COL23A1: variants seen among roughly 807,000 people sequenced by gnomAD.
The protein encoded by COL23A1 is collagen type XXIII alpha 1 chain.
In COL23A1, 97 loss-of-function variants were observed where a neutral mutation model predicts 99.3. That is an observed-to-expected ratio of 0.98 (90% CI 0.83 to 1.16). COL23A1 has a LOEUF of 1.16. Ranked by LOEUF, COL23A1 falls within the 50% of genes most tolerant of loss-of-function variation. The probability of loss-of-function intolerance (pLI) is 0.00; values close to 1 mark genes in which losing one functional copy is unlikely to be tolerated. For missense variants in COL23A1, 762 were observed against 757.4 expected (o/e 1.01, Z -0.07); for synonymous variants, 320 against 308.2 (o/e 1.04, Z -0.40).
At chr5:178,588,367 CT>C (rs1300701742) in intron 1 of COL23A1, among the ~76,000 whole-genome samples, 2 of 152,196 alleles carry the variant, frequency 1.3e-5, no homozygotes, top group African/African-American at 4.8e-5. Flanking sequence ...TGTATCAGGA[CT>C]TCTGATTTAC....
At chr5:178,481,428 T>C (rs1048314876) in intron 2 of COL23A1, among the ~76,000 whole-genome samples, 2 of 151,534 alleles carry the variant, frequency 1.3e-5, no homozygotes, top group Non-Finnish European at 2.9e-5. Flanking sequence ...ACTGAGAGAG[T>C]ATAAAGACAA....
At chr5:178,481,675 C>A (rs886776373) in intron 2 of COL23A1, among the ~76,000 whole-genome samples, 1 of 152,046 alleles carries the variant, frequency 6.6e-6, no homozygotes, top group Admixed American at 6.6e-5. Flanking sequence ...CACAAGATAC[C>A]ACTTCATACC....
At position 178,254,955 on chromosome 5, in the gene COL23A1, G is replaced by T; in HGVS notation, c.954C>A (p.Ala318=). ...VIDYDGRILD[A]LKGPPGPQGP... The stretch of plus-strand genomic sequence containing the variant: ...GTCCCACCAGGAACACTACCTTGAG[G>T]GCATCCAAGATCCTGCCATCATAGT... Residue 318 remains alanine (A), a synonymous_variant, in exon 16 of 29, where the codon GCC becomes GCA. Coordinates refer to ENST00000390654, the MANE Select transcript of COL23A1 (RefSeq NM_173465.4). 1 of 1,613,334 alleles carries T rather than the reference G, an allele frequency of 6.2e-7. No homozygotes were observed. Among genetic ancestry groups the T allele is most frequent in the South Asian group, 1.1e-5 (1 of 91,070 alleles).
intron 28 of COL23A1, 49 bp from the exon 29 acceptor site, chr5:178,238,749 C>G: frequency 6.2e-7 from 1 of 1,611,938 alleles, no homozygotes; most frequent in South Asian, 1.1e-5. Context: ...CGAGAAGCTC[C>G]GCCCCCATCC....
intron 2 of COL23A1, among the ~76,000 whole-genome samples, chr5:178,507,022 G>A (rs192733274): frequency 3.3e-5 from 5 of 152,270 alleles, no homozygotes; most frequent in South Asian, 2.1e-4. Flanking sequence ...CACTTGCAGC[G>A]TTGCAAAGCC....
At chr5:178,515,180 C>T (rs550852779) in intron 2 of COL23A1, among the ~76,000 whole-genome samples, 3 of 152,354 alleles carry the variant, frequency 2.0e-5, no homozygotes, top group African/African-American at 7.2e-5. Context: ...CTGGGGACAT[C>T]TGCTACAGAG....
At chr5:178,264,655 T>C (rs1180018842) in intron 8 of COL23A1, among the ~76,000 whole-genome samples, 2 of 152,088 alleles carry the variant, frequency 1.3e-5, no homozygotes, top group Non-Finnish European at 2.9e-5. Flanking sequence ...CTGAAGATGT[T>C]TTTTTGTTTG....
rs532571919 is a variant in COL23A1, at chr5:178,384,294, C to T, written c.362-77375G>A. Among the ~76,000 whole-genome samples, 3 of 152,320 alleles carry T rather than the reference C, an allele frequency of 2.0e-5. No individual in the cohort carries two copies. The highest frequency in any genetic ancestry group is 4.1e-4 in the South Asian group (2 of 4,822). On this transcript the variant is annotated intron_variant, in intron 2 of 28. Coordinates refer to ENST00000390654, the MANE Select transcript of COL23A1 (RefSeq NM_173465.4). This position sits in a 1 kb window ranked among gnomAD's most constrained non-coding sequence, Gnocchi z 5.5. ...GGCAGTTCTCAAAACCTGGATCCGG[C>T]GACGGAGGCCCGGCCTGGCCACTGC...
intron 2 of COL23A1, among the ~76,000 whole-genome samples, chr5:178,349,816 A>G (rs563205951): frequency 1.3e-5 from 2 of 152,212 alleles, no homozygotes; most frequent in Admixed American, 6.5e-5. Context: ...CTTCAGCTCC[A>G]CTAGTGGGTG....
intron 2 of COL23A1, among the ~76,000 whole-genome samples, chr5:178,394,917 G>A (rs1294144535): frequency 5.5e-5 from 8 of 144,300 alleles, no homozygotes; most frequent in Non-Finnish European, 6.1e-5. Flanking sequence ...GTCTCTCCCC[G>A]GCGGGCAGGC....
At chr5:178,455,748 CGAG>C (rs1350874753) in intron 2 of COL23A1, among the ~76,000 whole-genome samples, 1 of 151,982 alleles carries the variant, frequency 6.6e-6, no homozygotes, top group East Asian at 1.9e-4. Flanking sequence ...CCAGGCTCCA[CGAG>C]GAGGTCAGAG....
At chr5:178,405,371 T>C (rs2127771862) in intron 2 of COL23A1, among the ~76,000 whole-genome samples, 1 of 152,398 alleles carries the variant, frequency 6.6e-6, no homozygotes, top group Middle Eastern at 3.4e-3. Context: ...CAAACTATGA[T>C]TCAATTTTTG....
chr5:178,286,167 T>A (rs923427620), intron 5 of COL23A1, among the ~76,000 whole-genome samples: 6 of 152,194 alleles, frequency 3.9e-5, no homozygotes, highest in Non-Finnish European at 1.5e-5. Flanking sequence ...TGATACCAGC[T>A]TCCTGGAGAC....
chr5:178,345,082 A>G (rs1581190265), intron 2 of COL23A1: 1 of 590,474 alleles, frequency 1.7e-6, no homozygotes, highest in Non-Finnish European at 3.3e-6. Flanking sequence ...CTTTTGGTTC[A>G]TCTCTTCCTG....
chr5:178,274,807 C>T (rs1561815331), intron 5 of COL23A1, among the ~76,000 whole-genome samples: 1 of 152,228 alleles, frequency 6.6e-6, no homozygotes. Context: ...GATGCCACAG[C>T]ACTGTGCCTG....
intron 2 of COL23A1, among the ~76,000 whole-genome samples, chr5:178,406,142 C>T (rs941259421): frequency 1.3e-5 from 2 of 152,002 alleles, no homozygotes; most frequent in Non-Finnish European, 2.9e-5. Flanking sequence ...ATGGCATTCT[C>T]ATGTACAAAT....
intron 1 of COL23A1, among the ~76,000 whole-genome samples, chr5:178,582,375 C>G (rs1205078594): frequency 6.6e-6 from 1 of 152,162 alleles, no homozygotes; most frequent in African/African-American, 2.4e-5. Context: ...GTGCAGCTGC[C>G]TGGAGGAGGG....
chr5:178,583,828 C>T (rs1178855699), intron 1 of COL23A1, among the ~76,000 whole-genome samples: 1 of 152,164 alleles, frequency 6.6e-6, no homozygotes. Flanking sequence ...TGGACTTCTC[C>T]GTTACTCAAG....
Position 178,310,349 on chromosome 5 carries a change from G to A in COL23A1, c.362-3430C>T, listed in dbSNP as rs1758605642. On this transcript the variant is annotated intron_variant, in intron 2 of 28. Transcript: ENST00000390654. This position sits in a 1 kb window ranked among gnomAD's most constrained non-coding sequence, Gnocchi z 4.3. ...AGAGCCCACCATGGGCAGTGACCTG[G>A]GTTCAACATCTACTGGGTGCCAAGC... 6.6e-6 allele frequency among the ~76,000 whole-genome samples: 1 copy of A among 152,194 alleles called. No individual in the cohort carries two copies. The highest frequency in any genetic ancestry group is 6.5e-5 in the Admixed American group (1 of 15,276).
Sources: allele counts gnomAD v4.1 joint callset (sites outside exome capture counted in the v4.1 genomes callset), GRCh38; gene constraint gnomAD v4.1.1; non-coding constraint Gnocchi (gnomAD v3.1); transcripts MANE v1.5; gene names NCBI Gene and HGNC (gene_info 2026-07-23, HGNC 2026-07-21).